Variants in P2RX1 observed in about 807,000 individuals in gnomAD.
P2RX1 encodes P2X purinoceptor 1.
A neutral mutation model predicts 50.3 loss-of-function variants in P2RX1; 42 were observed. That is an observed-to-expected ratio of 0.83 (90% confidence interval 0.65 to 1.08). P2RX1 has a LOEUF of 1.08. Among genes scored for constraint, P2RX1 ranks in the 50% least tolerant of loss-of-function variants. The pLI, the probability that P2RX1 is intolerant of heterozygous loss-of-function variation, is 0.00. For missense variants in P2RX1, 449 were observed against 529.0 expected (o/e 0.85, Z 1.48); for synonymous variants, 199 against 202.6 (o/e 0.98, Z 0.15).
In P2RX1 at chr17:3,903,078, G is replaced by A; in HGVS notation, c.747+124C>T. The A allele has an allele frequency of 7.3e-7, 1 of 1,365,198 alleles. No homozygotes were observed. Among genetic ancestry groups the A allele is most frequent in the Non-Finnish European group, 1.0e-6 (1 of 985,258 alleles). The allele number at this position is 1,365,198 out of a possible 1,614,324, so 84.6% of individuals were successfully genotyped here. A position where few individuals can be genotyped will look rare whatever the true frequency, so the allele number is the denominator to read the frequency against. ...CGCTCAGGGGGCCCCAGTATCAGGG[G>A]ACAGACCCATACATATACTCAGCCC... On this transcript the variant is annotated intron_variant, in intron 7 of 11. Coordinates refer to ENST00000225538, the MANE Select transcript of P2RX1 (RefSeq NM_002558.4). The surrounding 1 kb of genome is among the most constrained non-coding windows in gnomAD (Gnocchi z 4.6).
At chr17:3,909,843 A>G (rs1170071546) in intron 1 of P2RX1, among the ~76,000 whole-genome samples, 1 of 152,014 alleles carries the variant, frequency 6.6e-6, no homozygotes, top group Non-Finnish European at 1.5e-5. Context: ...AACCTGATAA[A>G]CCCATCCTGA....
chr17:3,910,437 A>G (rs1010602084), intron 1 of P2RX1, among the ~76,000 whole-genome samples: 1 of 152,232 alleles, frequency 6.6e-6, no homozygotes, highest in African/African-American at 2.4e-5. Context: ...CCCAGGCAGC[A>G]TCCTCACAGC....
rs1252132338 is a variant in P2RX1 at position 3,904,022 on chromosome 17, T to C, written c.430A>G (p.Ile144Val). Reference sequence around the variant, plus strand: ...AAGGCCACACACTTGCCCGTGCGGATGCCTGGAGCCAGAGGGAAACCCCTG... The same window carrying C: ...AAGGCCACACACTTGCCCGTGCGGACGCCTGGAGCCAGAGGGAAACCCCTG... ...PGKAKRKAQG[I>V]RTGKCVAFND... The change falls in exon 5 of 12, where the codon ATC (isoleucine) becomes GTC (valine). Residue 144 changes from isoleucine (I) to valine (V), a missense_variant and splice_region_variant. Physicochemically the swap from Ile to Val is conservative, Grantham distance 29 (BLOSUM62 3). Coordinates refer to ENST00000225538, the MANE Select transcript of P2RX1 (RefSeq NM_002558.4). 11 of 1,613,702 alleles carry C rather than the reference T, an allele frequency of 6.8e-6. No individual in the cohort carries two copies. The highest frequency in any genetic ancestry group is 9.3e-6 in the Non-Finnish European group (11 of 1,179,806).
chr17:3,899,711 G>T lies in P2RX1; in HGVS notation c.798C>A (p.His266Gln). The T allele has an allele frequency of 1.2e-6, 2 of 1,614,008 alleles. No individual in the cohort carries two copies. The highest frequency in any genetic ancestry group is 1.7e-6 in the Non-Finnish European group (2 of 1,179,924). Residue 266 changes from histidine to glutamine, a missense_variant, in exon 8 of 12, where the codon CAC becomes CAA. Physicochemically the swap from His to Gln is conservative, Grantham distance 24. Coordinates refer to ENST00000225538, the MANE Select transcript of P2RX1 (RefSeq NM_002558.4). ...CATAGATGGGTCTGCAGTGCCGTAC[G>T]TGCCAGTCCAGGTCACAGTGCCAGT... is the stretch of plus-strand genomic sequence containing the variant. The part of the protein sequence containing the change: ...TIDWHCDLDW[H>Q]VRHCRPIYEF...
Position 3,914,288 on chromosome 17 carries a change from G to C in P2RX1, c.137+1801C>G, listed in dbSNP as rs185771519. ...TGTGGTCCTGAGCCCCACAGACACC[G>C]AGAAGGGCCACATCCATTTGGAAAC... is the stretch of plus-strand genomic sequence containing the variant. On this transcript the variant is annotated intron_variant, in intron 1 of 11. Coordinates refer to ENST00000225538, the MANE Select transcript of P2RX1 (RefSeq NM_002558.4). The surrounding 1 kb of genome is among the most constrained non-coding windows in gnomAD (Gnocchi z 4.1). Among the ~76,000 whole-genome samples the C allele has an allele frequency of 3.1e-4, 47 of 152,184 alleles. 1 individual carries two copies. The South Asian group carries it at 7.9e-3, about 26-fold the overall frequency.
chr17:3,903,828 G>T lies in P2RX1; in HGVS notation c.524+100C>A. The T allele has an allele frequency of 8.5e-7, 1 of 1,178,534 alleles. No individual in the cohort carries two copies. 73.0% of individuals were successfully genotyped at this position (1,178,534 alleles called of 1,614,324 possible). On this transcript the variant is annotated intron_variant, in intron 5 of 11. Coordinates refer to ENST00000225538, the MANE Select transcript of P2RX1 (RefSeq NM_002558.4). The surrounding 1 kb of genome is among the most constrained non-coding windows in gnomAD (Gnocchi z 4.6). ...CCTAGGTTGCGCGGATGGGGTGAGG[G>T]TGGGGTCAGAAAAAGGGGTAAAGAT... is the stretch of plus-strand genomic sequence containing the variant.
At position 3,903,890 on chromosome 17, in the gene P2RX1, G is replaced by A. The variant is rs767367693; in HGVS notation, c.524+38C>T. ...CTAGGCCCCCCTCTGTCTGGCCTGG[G>A]ACCCTGTTCTTAGCTCTCTGGAAGG... On this transcript the variant is annotated intron_variant, in intron 5 of 11. Coordinates refer to ENST00000225538, the MANE Select transcript of P2RX1 (RefSeq NM_002558.4). This position sits in a 1 kb window ranked among gnomAD's most constrained non-coding sequence, Gnocchi z 4.6. 2 of 1,532,602 alleles carry A rather than the reference G, an allele frequency of 1.3e-6. No homozygotes were observed. Among genetic ancestry groups the A allele is most frequent in the Non-Finnish European group, 1.8e-6 (2 of 1,105,566 alleles). The allele number at this position is 1,532,602 out of a possible 1,614,324, so 94.9% of individuals were successfully genotyped here.
Position 3,896,772 on chromosome 17 carries a change from C to T in P2RX1, c.*1042G>A, listed in dbSNP as rs577783936. Reference sequence around the variant, plus strand: ...AGGATTCATGGCTGGGAGGGCTGTCCTGGCCTGGCACACTTGGAGAGAAGC... The same window carrying T: ...AGGATTCATGGCTGGGAGGGCTGTCTTGGCCTGGCACACTTGGAGAGAAGC... On this transcript the variant is annotated 3_prime_UTR_variant, in exon 12 of 12. Transcript: ENST00000225538. The T allele has an allele frequency of 1.2e-4, 19 of 152,398 alleles. No homozygotes were observed. Among genetic ancestry groups the T allele is most frequent in the African/African-American group, 4.3e-4 (18 of 41,578 alleles). The allele number at this position is 152,398 out of a possible 1,614,324, so 9.4% of individuals were successfully genotyped here.
At position 3,897,347 on chromosome 17, in the gene P2RX1, G is replaced by C; in HGVS notation, c.*467C>G. ...CCAGTATGGCAGCCACTAACCACAC[G>C]TATCTACTGAGCAGTTGAAATGTGG... On this transcript the variant is annotated 3_prime_UTR_variant, in exon 12 of 12. Transcript: ENST00000225538. 4.2e-6 allele frequency: 1 copy of C among 239,672 alleles called. No homozygotes were observed. The highest frequency in any genetic ancestry group is 5.6e-5 in the South Asian group (1 of 17,964). The allele number at this position is 239,672 out of a possible 1,614,324, so 14.8% of individuals were successfully genotyped here.
At chr17:3,901,241 A>T (rs149859132) in intron 7 of P2RX1, among the ~76,000 whole-genome samples, 3 of 151,944 alleles carry the variant, frequency 2.0e-5, no homozygotes, top group Non-Finnish European at 4.4e-5. Context: ...CTAATTTTTT[A>T]TATTTTTAGT....
At chr17:3,911,432 G>A (rs73971717) in intron 1 of P2RX1, among the ~76,000 whole-genome samples, 4 of 152,236 alleles carry the variant, frequency 2.6e-5, no homozygotes, top group African/African-American at 4.8e-5. Flanking sequence ...TACGTGCTGC[G>A]GCAACAATGG....
chr17:3,903,352 G>T lies in P2RX1; in HGVS notation c.606-9C>A, dbSNP rs752021442. 3.1e-6 allele frequency: 5 copies of T among 1,613,890 alleles called. No homozygotes were observed. Among genetic ancestry groups the T allele is most frequent in the Non-Finnish European group, 4.2e-6 (5 of 1,180,024 alleles). On this transcript the variant is annotated splice_polypyrimidine_tract_variant and intron_variant, in intron 6 of 11. Transcript: ENST00000225538. This position sits in a 1 kb window ranked among gnomAD's most constrained non-coding sequence, Gnocchi z 4.6. ...CCTCCACCAGGTTGCGCCTGTGGGG[G>T]TGGAAGGTGTTGACAGCTGCTGTGT... is the stretch of plus-strand genomic sequence containing the variant.
chr17:3,901,776 C>A (rs2056151462), intron 7 of P2RX1, among the ~76,000 whole-genome samples: 1 of 152,016 alleles, frequency 6.6e-6, no homozygotes, highest in Non-Finnish European at 1.5e-5. Flanking sequence ...GGCAGCGAGG[C>A]ACGCCAGGCA....
chr17:3,914,421 G>A lies in P2RX1; in HGVS notation c.137+1668C>T, dbSNP rs2056415336. On this transcript the variant is annotated intron_variant, in intron 1 of 11. Transcript: ENST00000225538. The surrounding 1 kb of genome is among the most constrained non-coding windows in gnomAD (Gnocchi z 4.1). ...GCAGCAGCTTGGGGCATAGGCTACG[G>A]CTGGGAATGGGTGGGTCCCTCCAAC... Among the ~76,000 whole-genome samples the A allele has an allele frequency of 6.6e-6, 1 of 152,150 alleles. No individual in the cohort carries two copies. The highest frequency in any genetic ancestry group is 2.1e-4 in the South Asian group (1 of 4,830).
At chr17:3,913,291 A>G (rs960181454) in intron 1 of P2RX1, among the ~76,000 whole-genome samples, 4 of 151,862 alleles carry the variant, frequency 2.6e-5, no homozygotes, top group Non-Finnish European at 4.4e-5. Context: ...ACACCCAGCT[A>G]ATTTTTTCTA....
chr17:3,915,610 G>A (rs918859099), intron 1 of P2RX1: 1 of 457,244 alleles, frequency 2.2e-6, no homozygotes, highest in Admixed American at 2.3e-5. Context: ...TCTGCTCCGG[G>A]GGCCTCAAAC....
chr17:3,900,721 G>A (rs571375389), intron 7 of P2RX1, among the ~76,000 whole-genome samples: 1 of 152,094 alleles, frequency 6.6e-6, no homozygotes, highest in Admixed American at 6.6e-5. Flanking sequence ...AGTTTATTTA[G>A]TGTGATTATG....
rs546861626 is a variant in P2RX1 at position 3,910,803 on chromosome 17, T to A, written c.137+5286A>T. Among the ~76,000 whole-genome samples, 7 of 152,332 alleles carry A rather than the reference T, an allele frequency of 4.6e-5. No individual in the cohort carries two copies. In the South Asian group the frequency reaches 1.2e-3, roughly 27 times the overall value. On this transcript the variant is annotated intron_variant, in intron 1 of 11. Transcript: ENST00000225538. ...ACCCGCAGACAAGTCGAGGGGCATC[T>A]GGGTTAAGTTCCTTGAGTGCAGGAT...
rs145383662 is a variant in P2RX1, at chr17:3,903,309, T to C, written c.640A>G (p.Met214Val). ...GTCTTGTGAAAGAGGCAGGTCTTCATGTGGGCAGCATTCACCTCCTCCACC... is the reference window on the plus strand; with the variant it reads ...GTCTTGTGAAAGAGGCAGGTCTTCACGTGGGCAGCATTCACCTCCTCCACC... The part of the protein sequence containing the change: ...NLVEEVNAAH[M>V]KTCLFHKTLH... The change falls in exon 7 of 12, where the codon ATG becomes GTG. Residue 214 changes from methionine to valine, a missense_variant. Coordinates refer to ENST00000225538, the MANE Select transcript of P2RX1 (RefSeq NM_002558.4). The surrounding 1 kb of genome is among the most constrained non-coding windows in gnomAD (Gnocchi z 4.6). 6.3e-5 allele frequency: 101 copies of C among 1,614,116 alleles called. 2 individuals are homozygous for C. In the Admixed American group the frequency reaches 1.1e-3, roughly 18 times the overall value.
Sources: allele counts gnomAD v4.1 joint callset (sites outside exome capture counted in the v4.1 genomes callset), GRCh38; gene constraint gnomAD v4.1.1; non-coding constraint Gnocchi (gnomAD v3.1); transcripts MANE v1.5; gene names NCBI Gene and HGNC (gene_info 2026-07-23, HGNC 2026-07-21).